Variants in EAF2 observed in about 807,000 individuals in gnomAD.
EAF2 encodes ELL associated factor 2.
In EAF2, 29 loss-of-function variants were observed where a neutral mutation model predicts 29.4. The observed-to-expected ratio is 0.99, with a 90% CI of 0.73 to 1.35. The LOEUF (loss-of-function observed/expected upper bound fraction) is 1.35, where lower values mean the gene tolerates loss of function less well. Among genes scored for constraint, EAF2 ranks in the 40% most tolerant of loss-of-function variants. The pLI is 0.00. For synonymous variants in EAF2, 103 were observed against 102.5 expected, an observed-to-expected ratio of 1.00 and a Z score of -0.03; for missense variants, 292 against 312.0, an observed-to-expected ratio of 0.94 and a Z score of 0.48.
At chr3:121,881,655 G>T (rs1253308420) in intron 5 of EAF2, among the ~76,000 whole-genome samples, 2 of 151,796 alleles carry the variant, frequency 1.3e-5, no homozygotes, top group African/African-American at 2.4e-5. Flanking sequence ...TACTACAGGC[G>T]CATGCTGCCA....
At chr3:121,867,241 T>C (rs1480081928) in intron 4 of EAF2, among the ~76,000 whole-genome samples, 1 of 152,146 alleles carries the variant, frequency 6.6e-6, no homozygotes, top group Non-Finnish European at 1.5e-5. Flanking sequence ...TAAATAAATA[T>C]GTGCAAAAAC....
rs559128933 is a variant in EAF2 at position 121,884,685 on chromosome 3, G to A, written c.737-1657G>A. ...CATGATCCGCCCACCTCAGCCTCCC[G>A]AAGTGCTGGGATTACAGGCGTGAGC... is the stretch of plus-strand genomic sequence containing the variant. On this transcript the variant is annotated intron_variant, in intron 5 of 5. Coordinates refer to ENST00000273668, the MANE Select transcript of EAF2 (RefSeq NM_018456.6). Among the ~76,000 whole-genome samples the A allele has an allele frequency of 1.7e-3, 245 of 148,118 alleles. 2 individuals are homozygous for A. Among genetic ancestry groups the A allele is most frequent in the African/African-American group, 5.6e-3 (227 of 40,894 alleles).
intron 5 of EAF2, among the ~76,000 whole-genome samples, chr3:121,882,018 A>T (rs571685101): frequency 2.5e-4 from 38 of 152,296 alleles, no homozygotes; most frequent in African/African-American, 7.9e-4. Context: ...TCAACAAATG[A>T]ATAACTTGAC....
chr3:121,862,594 G>T (rs1273783305), intron 4 of EAF2, among the ~76,000 whole-genome samples: 1 of 152,132 alleles, frequency 6.6e-6, no homozygotes, highest in African/African-American at 2.4e-5. Flanking sequence ...AAGGTTTTTA[G>T]CTTCTTTGCG....
At chr3:121,854,171 C>A (rs1708679060) in intron 2 of EAF2, among the ~76,000 whole-genome samples, 1 of 151,860 alleles carries the variant, frequency 6.6e-6, no homozygotes, top group Admixed American at 6.6e-5. Context: ...TAAAAATTAG[C>A]TGGGCGTGGT....
chr3:121,853,349 T>C (rs1181698789), intron 2 of EAF2, among the ~76,000 whole-genome samples: 1 of 152,224 alleles, frequency 6.6e-6, no homozygotes, highest in Non-Finnish European at 1.5e-5. Context: ...ATTTCTACAT[T>C]GTATTTGAAT....
At chr3:121,883,336 T>C (rs537127773) in intron 5 of EAF2, among the ~76,000 whole-genome samples, 45 of 152,320 alleles carry the variant, frequency 3.0e-4, no homozygotes, top group South Asian at 6.2e-4. Context: ...ATGAGCAGCA[T>C]TGATGTTACT....
At chr3:121,845,996 T>C (rs1708523122) in intron 2 of EAF2, among the ~76,000 whole-genome samples, 1 of 152,188 alleles carries the variant, frequency 6.6e-6, no homozygotes, top group Non-Finnish European at 1.5e-5. Flanking sequence ...CAGAAAAAAA[T>C]CAAGACTGTA....
intron 3 of EAF2, among the ~76,000 whole-genome samples, chr3:121,856,419 T>C (rs548211148): frequency 1.3e-5 from 2 of 151,610 alleles, no homozygotes; most frequent in African/African-American, 4.8e-5. Flanking sequence ...CCTCAAACCA[T>C]CTTCCTTCCT....
intron 5 of EAF2, among the ~76,000 whole-genome samples, chr3:121,873,370 T>C (rs1709049400): frequency 6.6e-6 from 1 of 151,862 alleles, no homozygotes; most frequent in South Asian, 2.1e-4. Context: ...GTTCTTCCTC[T>C]TTACAGTGTA....
At position 121,840,536 on chromosome 3, in the gene EAF2, T is replaced by C. The variant is rs1708399421; in HGVS notation, c.107-3917T>C. 2.3e-5 allele frequency among the ~76,000 whole-genome samples: 3 copies of C among 129,022 alleles called. No homozygotes were observed. In the South Asian group the frequency reaches 7.8e-4, roughly 34 times the overall value. The allele number at this position is 129,022 out of a possible 152,430, so 84.6% of individuals were successfully genotyped here. On this transcript the variant is annotated intron_variant, in intron 1 of 5. Transcript: ENST00000273668. ...AAAAAAAAAAACGGGCCGGGTGCGG[T>C]GGCTCACGCCTGTAATCCCAGCACT...
At chr3:121,857,247 A>T in intron 4 of EAF2, 91 bp downstream of exon 4, 1 of 1,168,142 alleles carries the variant, frequency 8.6e-7, no homozygotes, top group Non-Finnish European at 1.2e-6. Context: ...TAATCCCAGC[A>T]CTTTAGGAGG....
In EAF2 at chr3:121,880,832, C is replaced by T. The variant is rs1709181156; in HGVS notation, c.737-5510C>T. Among the ~76,000 whole-genome samples the T allele has an allele frequency of 2.0e-5, 3 of 152,100 alleles. No individual in the cohort carries two copies. In the South Asian group the frequency reaches 6.2e-4, roughly 32 times the overall value. ...CCTAGAAGAAAAGCTTTCGGCTTTT[C>T]CCCATTTAGTATAATGTTAACTGTG... is the stretch of plus-strand genomic sequence containing the variant. On this transcript the variant is annotated intron_variant, in intron 5 of 5. Coordinates refer to ENST00000273668, the MANE Select transcript of EAF2 (RefSeq NM_018456.6).
At chr3:121,883,990 T>C (rs1049622276) in intron 5 of EAF2, among the ~76,000 whole-genome samples, 1 of 152,190 alleles carries the variant, frequency 6.6e-6, no homozygotes, top group African/African-American at 2.4e-5. Flanking sequence ...ACAGGCATCA[T>C]ATAACATTCT....
chr3:121,843,077 A>T (rs1452242239), intron 1 of EAF2, among the ~76,000 whole-genome samples: 2 of 152,224 alleles, frequency 1.3e-5, no homozygotes, highest in Non-Finnish European at 2.9e-5. Flanking sequence ...ATATTATAAA[A>T]ATACTTTCTG....
Position 121,835,209 on chromosome 3 carries a change from A to G in EAF2, c.-77A>G, listed in dbSNP as rs79879117. On this transcript the variant is annotated 5_prime_UTR_variant, in exon 1 of 6. Coordinates refer to ENST00000273668, the MANE Select transcript of EAF2 (RefSeq NM_018456.6). ...TCTGGGTGACTTGGCTGGCGGGATC[A>G]AGTGCAGCTGCTTCAGGCTGAGGTG... 4.3e-6 allele frequency: 6 copies of G among 1,401,176 alleles called. No individual in the cohort carries two copies. The South Asian group carries it at 5.8e-5, about 14-fold the overall frequency. The allele number at this position is 1,401,176 out of a possible 1,614,324, so 86.8% of individuals were successfully genotyped here.
At chr3:121,851,713 C>T (rs1053971334) in intron 2 of EAF2, among the ~76,000 whole-genome samples, 3 of 151,738 alleles carry the variant, frequency 2.0e-5, no homozygotes, top group East Asian at 1.9e-4. Flanking sequence ...GGGAACAATA[C>T]GATTAGATTT....
chr3:121,853,966 G>A (rs147598557), intron 2 of EAF2, among the ~76,000 whole-genome samples: 3 of 152,200 alleles, frequency 2.0e-5, no homozygotes, highest in Non-Finnish European at 2.9e-5. Flanking sequence ...GCATAGGGAG[G>A]TACTGCTTTA....
intron 4 of EAF2, 87 bp downstream of exon 4, chr3:121,857,243 C>A: frequency 8.0e-7 from 1 of 1,248,988 alleles, no homozygotes; most frequent in East Asian, 2.5e-5. Context: ...CCTGTAATCC[C>A]AGCACTTTAG....
Sources: allele counts gnomAD v4.1 joint callset (sites outside exome capture counted in the v4.1 genomes callset), GRCh38; gene constraint gnomAD v4.1.1; transcripts MANE v1.5; gene names NCBI Gene and HGNC (gene_info 2026-07-23, HGNC 2026-07-21).